The following YWHAQ variants were observed in gnomAD, a reference collection of about 807,000 sequenced individuals.
YWHAQ encodes the protein 14-3-3 protein theta.
A neutral mutation model predicts 28.3 loss-of-function variants in YWHAQ; 6 were observed. The observed-to-expected ratio is 0.21, with a 90% confidence interval of 0.12 to 0.42. The LOEUF is 0.42. YWHAQ is among the 10% of genes least tolerant of loss of function. The pLI is 1.00. For synonymous variants in YWHAQ, 143 were observed against 119.1 expected, an observed-to-expected ratio of 1.20 and a Z score of -1.31; for missense variants, 201 against 305.6, an observed-to-expected ratio of 0.66 and a Z score of 2.55.
intron 2 of YWHAQ, among the ~76,000 whole-genome samples, chr2:9,614,340 C>T (rs12692388): frequency 0.58 from 87,765 of 152,116 alleles, 27,667 homozygotes; most frequent in African/African-American, 0.8. Flanking sequence ...AGTCTATACA[C>T]ACTTTCTTCC....
chr2:9,592,496 C>T (rs372942238), intron 2 of YWHAQ, among the ~76,000 whole-genome samples: 2 of 151,940 alleles, frequency 1.3e-5, no homozygotes, highest in Non-Finnish European at 1.5e-5. Flanking sequence ...GATGCCAAGG[C>T]GGGCAGATAA....
intron 2 of YWHAQ, among the ~76,000 whole-genome samples, chr2:9,616,771 A>C (rs1667049123): frequency 6.6e-6 from 1 of 152,256 alleles, no homozygotes; most frequent in Non-Finnish European, 1.5e-5. Context: ...GTGGGAATGT[A>C]AGATAGTACA....
At chr2:9,618,703 G>T (rs992840819) in intron 2 of YWHAQ, among the ~76,000 whole-genome samples, 2 of 150,298 alleles carry the variant, frequency 1.3e-5, no homozygotes, top group African/African-American at 4.9e-5. Context: ...GTAGAGACAG[G>T]GTCTCACACT....
At chr2:9,604,564 T>G (rs753980116) in intron 2 of YWHAQ, among the ~76,000 whole-genome samples, 2 of 152,156 alleles carry the variant, frequency 1.3e-5, no homozygotes, top group Non-Finnish European at 2.9e-5. Context: ...TTTCTACGGA[T>G]TTTTTCCAGT....
intron 2 of YWHAQ, among the ~76,000 whole-genome samples, chr2:9,601,151 T>C (rs1377196372): frequency 1.3e-5 from 2 of 152,196 alleles, no homozygotes; most frequent in Admixed American, 6.5e-5. Context: ...GTGGTCATCC[T>C]GTAGATAAGA....
intron 2 of YWHAQ, among the ~76,000 whole-genome samples, chr2:9,593,772 G>A (rs1442784908): frequency 2.0e-5 from 3 of 151,840 alleles, no homozygotes; most frequent in Non-Finnish European, 2.9e-5. Context: ...AGGCTGCAGT[G>A]AGCCATGATC....
intron 2 of YWHAQ, among the ~76,000 whole-genome samples, chr2:9,592,497 G>A (rs183846774): frequency 3.9e-4 from 60 of 152,106 alleles, no homozygotes; most frequent in African/African-American, 1.4e-3. Context: ...ATGCCAAGGC[G>A]GGCAGATAAC....
At chr2:9,607,710 T>TC (rs1478300146) in intron 2 of YWHAQ, among the ~76,000 whole-genome samples, 10 of 126,074 alleles carry the variant, frequency 7.9e-5, no homozygotes, top group Non-Finnish European at 1.5e-4. Flanking sequence ...AAATTCTTCC[T>TC]CTTTTTTTTT....
At chr2:9,619,218 A>G (rs1270126833) in intron 2 of YWHAQ, among the ~76,000 whole-genome samples, 1 of 152,192 alleles carries the variant, frequency 6.6e-6, no homozygotes, top group Non-Finnish European at 1.5e-5. Flanking sequence ...CCTGTCCTGG[A>G]CAAAAAATAA....
intron 3 of YWHAQ, among the ~76,000 whole-genome samples, chr2:9,588,944 G>C (rs986631927): frequency 2.0e-5 from 3 of 151,962 alleles, no homozygotes; most frequent in African/African-American, 7.3e-5. Context: ...TCTTATCCCT[G>C]TCTCTACAAA....
In YWHAQ at chr2:9,630,312, G is replaced by A. The variant is rs748020959; in HGVS notation, c.141C>T (p.Ala47=). 3.1e-6 allele frequency: 5 copies of A among 1,614,158 alleles called. No homozygotes were observed. The highest frequency in any genetic ancestry group is 4.2e-6 in the Non-Finnish European group (5 of 1,180,048). The change falls in exon 2 of 6, where the codon GCC becomes GCT. Residue 47 remains alanine, a synonymous_variant. Coordinates refer to ENST00000238081, the MANE Select transcript of YWHAQ (RefSeq NM_006826.4). This position sits in a 1 kb window ranked among gnomAD's most constrained non-coding sequence, Gnocchi z 5.6. ...SNEERNLLSV[A]YKNVVGGRRS... ...TGCGGCCCCCGACCACGTTCTTGTA[G>A]GCCACGGAGAGCAGGTTGCGCTCCT...
At chr2:9,590,255 G>A (rs572182162) in intron 3 of YWHAQ, among the ~76,000 whole-genome samples, 3 of 152,220 alleles carry the variant, frequency 2.0e-5, no homozygotes, top group Admixed American at 6.5e-5. Flanking sequence ...GTACAGTTCC[G>A]TGCCCGTATC....
At chr2:9,592,536 C>T (rs141152890) in intron 2 of YWHAQ, among the ~76,000 whole-genome samples, 57 of 151,984 alleles carry the variant, frequency 3.8e-4, no homozygotes, top group African/African-American at 1.3e-3. Context: ...CCAGCCTGGC[C>T]AACATAATGA....
At chr2:9,592,699 C>T (rs987234234) in intron 2 of YWHAQ, among the ~76,000 whole-genome samples, 10 of 151,950 alleles carry the variant, frequency 6.6e-5, no homozygotes, top group South Asian at 2.1e-4. Flanking sequence ...CACTGCAGCC[C>T]GGGTGACAGT....
intron 2 of YWHAQ, among the ~76,000 whole-genome samples, chr2:9,602,829 TAAAAAAAAAAAAAAAAAA>T (rs869073430): frequency 0.014 from 530 of 36,882 alleles, 6 homozygotes; most frequent in Middle Eastern, 0.045. Context: ...ATGCCTAATT[TAAAAAAAAAAAAAAAAAA>T]AAAAAAAAAA....
intron 2 of YWHAQ, among the ~76,000 whole-genome samples, chr2:9,606,815 T>C (rs1311523386): frequency 6.6e-6 from 1 of 152,194 alleles, no homozygotes; most frequent in Non-Finnish European, 1.5e-5. Flanking sequence ...AATTAGTTCA[T>C]TTTTTAGCTG....
chr2:9,591,761 C>A (rs372150851), intron 2 of YWHAQ, among the ~76,000 whole-genome samples: 1 of 152,174 alleles, frequency 6.6e-6, no homozygotes, highest in Non-Finnish European at 1.5e-5. Flanking sequence ...CTAGATTACA[C>A]CAAACATTGT....
At chr2:9,599,711 T>C (rs1047334286) in intron 2 of YWHAQ, among the ~76,000 whole-genome samples, 3 of 152,204 alleles carry the variant, frequency 2.0e-5, no homozygotes, top group South Asian at 2.1e-4. Context: ...TAATTGCTCA[T>C]TGACAATGCA....
intron 2 of YWHAQ, among the ~76,000 whole-genome samples, chr2:9,623,572 G>C (rs532570130): frequency 6.6e-6 from 1 of 152,242 alleles, no homozygotes; most frequent in South Asian, 2.1e-4. Context: ...TCGGGAGTTT[G>C]AGACCAACCT....
Sources: gnomAD v4.1 joint callset for allele counts (sites outside exome capture counted in the v4.1 genomes callset) on GRCh38, gnomAD v4.1.1 for gene constraint, Gnocchi (gnomAD v3.1) non-coding constraint, MANE v1.5 for transcripts, NCBI Gene and HGNC (gene_info 2026-07-23, HGNC 2026-07-21) for gene names.